The following MARCHF1 variants were observed in gnomAD, a reference collection of about 807,000 sequenced individuals.
The protein encoded by MARCHF1 is membrane associated ring-CH-type finger 1.
MARCHF1 carries 40 observed loss-of-function variants against 54.2 expected under a neutral mutation model. The ratio of observed to expected loss-of-function variants is 0.74; its 90% confidence interval spans 0.57 to 0.96. MARCHF1 has a LOEUF of 0.96. MARCHF1 is among the 40% of genes least tolerant of loss of function. MARCHF1 has a pLI of 0.00. For missense variants in MARCHF1, 586 were observed against 656.5 expected, an observed-to-expected ratio of 0.89 and a Z score of 1.17; for synonymous variants, 236 against 236.3, an observed-to-expected ratio of 1.00 and a Z score of 0.01.
At chr4:163,916,035 T>C (rs948602256) in intron 3 of MARCHF1, among the ~76,000 whole-genome samples, 2 of 152,162 alleles carry the variant, frequency 1.3e-5, no homozygotes, top group Admixed American at 6.6e-5. Context: ...GGTCTTCCCA[T>C]TGAACTCAGT....
intron 9 of MARCHF1, 104 bp downstream of exon 9, chr4:163,545,492 G>T: frequency 9.7e-7 from 1 of 1,035,160 alleles, no homozygotes; most frequent in Non-Finnish European, 1.4e-6. Context: ...CTTTTCTAGT[G>T]TATCATACAT....
At chr4:163,949,795 C>T (rs184853952) in intron 3 of MARCHF1, among the ~76,000 whole-genome samples, 1 of 151,908 alleles carries the variant, frequency 6.6e-6, no homozygotes, top group South Asian at 2.1e-4. Context: ...TGAGTTGCTC[C>T]TCTTTGCAGG....
intron 3 of MARCHF1, among the ~76,000 whole-genome samples, chr4:163,987,853 T>G (rs1752899736): frequency 6.6e-6 from 1 of 152,208 alleles, no homozygotes; most frequent in Non-Finnish European, 1.5e-5. Flanking sequence ...GCCACTAAAT[T>G]TCCCTGCAAA....
intron 4 of MARCHF1, among the ~76,000 whole-genome samples, chr4:163,756,631 C>CA (rs67382228): frequency 0.36 from 24,307 of 67,390 alleles, 6,308 homozygotes; most frequent in East Asian, 0.72. Flanking sequence ...GACTCTGTCT[C>CA]AAAAAAAAAA....
At chr4:163,873,066 CAAA>C (rs914185405) in intron 3 of MARCHF1, among the ~76,000 whole-genome samples, 3 of 132,704 alleles carry the variant, frequency 2.3e-5, no homozygotes, top group East Asian at 2.8e-4. Flanking sequence ...AACAAACAAA[CAAA>C]AAAAAACAAA....
intron 1 of MARCHF1, among the ~76,000 whole-genome samples, chr4:164,217,306 A>C (rs111704847): frequency 0.012 from 1,764 of 152,330 alleles, 32 homozygotes; most frequent in East Asian, 0.081. Flanking sequence ...TAGGATACTT[A>C]TGTAGGCTTA....
At chr4:164,119,921 C>T (rs10517799) in intron 1 of MARCHF1, among the ~76,000 whole-genome samples, 37,914 of 151,482 alleles carry the variant, frequency 0.25, 5,133 homozygotes, top group Non-Finnish European at 0.3. Context: ...ATTCATAGAC[C>T]TAATAATGCC....
chr4:164,205,340 C>T (rs1240345696), intron 1 of MARCHF1, among the ~76,000 whole-genome samples: 1 of 152,100 alleles, frequency 6.6e-6, no homozygotes, highest in Non-Finnish European at 1.5e-5. Flanking sequence ...AGTATAGGCA[C>T]TATTGACACT....
intron 5 of MARCHF1, among the ~76,000 whole-genome samples, chr4:163,653,142 A>C (rs1397755608): frequency 6.6e-6 from 1 of 151,830 alleles, no homozygotes; most frequent in South Asian, 2.1e-4. Flanking sequence ...AGGCAACTGA[A>C]GTCAGGGAGT....
At chr4:164,199,681 C>CACACACAGAGAGAG (rs1462208986) in intron 1 of MARCHF1, among the ~76,000 whole-genome samples, 20 of 47,656 alleles carry the variant, frequency 4.2e-4, no homozygotes, top group African/African-American at 6.7e-4. Context: ...CACACACACA[C>CACACACAGAGAGAG]AGAGAGAGAG....
At chr4:163,759,381 T>C (rs1746768028) in intron 4 of MARCHF1, among the ~76,000 whole-genome samples, 1 of 151,998 alleles carries the variant, frequency 6.6e-6, no homozygotes, top group South Asian at 2.1e-4. Flanking sequence ...GTTTATAAGC[T>C]TTTTTTTCAT....
intron 8 of MARCHF1, among the ~76,000 whole-genome samples, chr4:163,547,109 T>C (rs1738937637): frequency 1.3e-5 from 2 of 152,174 alleles, no homozygotes; most frequent in South Asian, 4.1e-4. Flanking sequence ...TGGATTTCAA[T>C]GCACAACCCA....
intron 3 of MARCHF1, among the ~76,000 whole-genome samples, chr4:163,976,923 G>A (rs190190449): frequency 8.2e-4 from 125 of 152,196 alleles, no homozygotes; most frequent in African/African-American, 2.6e-3. Context: ...ATCACACTGT[G>A]CACTGTTCAA....
chr4:163,529,128 A>G, intron 9 of MARCHF1, 82 bp from the exon 10 acceptor site: 1 of 1,022,162 alleles, frequency 9.8e-7, no homozygotes, highest in Non-Finnish European at 1.4e-6. Context: ...GACCCTTCAA[A>G]AGCCCGTGCT....
In MARCHF1 at chr4:164,244,198, T is replaced by C. The variant is rs553044207; in HGVS notation, c.-322-132536A>G. ...CACACCTATTCCAAAATTGACCATA[T>C]ACTGGGAAGTAAAGCTCTCCTCAGC... On this transcript the variant is annotated intron_variant, in intron 1 of 9. Coordinates refer to ENST00000514618, the MANE Select transcript of MARCHF1 (RefSeq NM_001394959.1). 3.3e-5 allele frequency among the ~76,000 whole-genome samples: 5 copies of C among 151,728 alleles called. No homozygotes were observed. In the East Asian group the frequency reaches 9.7e-4, roughly 29 times the overall value.
chr4:164,283,701 T>C (rs931089698), intron 1 of MARCHF1, among the ~76,000 whole-genome samples: 9 of 150,252 alleles, frequency 6.0e-5, no homozygotes, highest in African/African-American at 1.7e-4. Flanking sequence ...AATAAGAAAA[T>C]AGCAAAATGG....
rs774603753 is a variant in MARCHF1 at position 163,828,054 on chromosome 4, C to CACACACACAG, written c.111+25966_111+25967insCTGTGTGTGT. On this transcript the variant is annotated intron_variant, in intron 4 of 9. Coordinates refer to ENST00000514618, the MANE Select transcript of MARCHF1 (RefSeq NM_001394959.1). ...ACACACACACACACACACACACACA[C>CACACACACAG]AGACACACCTTGTCATTCTCCTCCT... Among the ~76,000 whole-genome samples, 783 of 148,298 alleles carry CACACACACAG rather than the reference C, an allele frequency of 5.3e-3. 9 individuals are homozygous for CACACACACAG. The highest frequency in any genetic ancestry group is 0.013 in the African/African-American group (507 of 40,300).
intron 5 of MARCHF1, among the ~76,000 whole-genome samples, chr4:163,682,527 G>T (rs755773962): frequency 2.0e-5 from 3 of 152,168 alleles, no homozygotes; most frequent in Non-Finnish European, 4.4e-5. Flanking sequence ...GCCTCGAGAC[G>T]TGGTGCCCTG....
At chr4:163,783,261 T>C (rs1178275575) in intron 4 of MARCHF1, among the ~76,000 whole-genome samples, 2 of 152,170 alleles carry the variant, frequency 1.3e-5, no homozygotes, top group African/African-American at 4.8e-5. Context: ...TCACAAAGCC[T>C]AGGAAATGAC....
Sources: gnomAD v4.1 joint callset for allele counts (sites outside exome capture counted in the v4.1 genomes callset) on GRCh38, gnomAD v4.1.1 for gene constraint, MANE v1.5 for transcripts, NCBI Gene and HGNC (gene_info 2026-07-23, HGNC 2026-07-21) for gene names.